Variants in PIK3CB observed in about 807,000 individuals in gnomAD.
PIK3CB encodes phosphatidylinositol-4,5-bisphosphate 3-kinase catalytic subunit beta, also known as phosphatidylinositol 4,5-bisphosphate 3-kinase catalytic subunit beta isoform.
Under a neutral mutation model 136.8 loss-of-function variants are expected in PIK3CB, and 39 were observed. The observed-to-expected ratio is 0.29, with a 90% CI of 0.22 to 0.37. The LOEUF is 0.37. Ranked by LOEUF, PIK3CB falls within the 10% of genes least tolerant of loss-of-function variation. The pLI is 1.00. For synonymous variants in PIK3CB, 428 were observed against 436.6 expected (o/e 0.98, Z 0.25); for missense variants, 868 against 1,275.4 (o/e 0.68, Z 4.87).
chr3:138,685,027 C>A lies in PIK3CB; in HGVS notation c.2137-224G>T, dbSNP rs1268763074. The A allele has an allele frequency of 9.3e-6, 4 of 427,928 alleles. No homozygotes were observed. In the East Asian group the frequency reaches 1.6e-4, roughly 17 times the overall value. The allele number at this position is 427,928 out of a possible 1,614,324, so 26.5% of individuals were successfully genotyped here. ...CATCATTTTCAAACTTTCTTTAAAC[C>A]TTTTCTTAAACAAAATCTTACAAAT... On this transcript the variant is annotated intron_variant, in intron 16 of 23. Transcript: ENST00000674063.
intron 3 of PIK3CB, among the ~76,000 whole-genome samples, chr3:138,756,841 CCAAAA>C (rs2045577331): frequency 6.6e-6 from 1 of 152,132 alleles, no homozygotes; most frequent in African/African-American, 2.4e-5. Flanking sequence ...CTGAACTTCA[CCAAAA>C]CTTAAAACTT....
intron 2 of PIK3CB, among the ~76,000 whole-genome samples, chr3:138,770,867 A>C (rs1184810231): frequency 6.6e-6 from 1 of 151,074 alleles, no homozygotes; most frequent in Non-Finnish European, 1.5e-5. Context: ...ACCTGCCATC[A>C]CGCCCGGCTA....
intron 8 of PIK3CB, among the ~76,000 whole-genome samples, chr3:138,717,662 T>C (rs1181511531): frequency 6.6e-6 from 1 of 152,182 alleles, no homozygotes; most frequent in East Asian, 1.9e-4. Flanking sequence ...TACCCAACAG[T>C]TACCTTTTCT....
At chr3:138,789,699 CT>C (rs71626079) in intron 2 of PIK3CB, among the ~76,000 whole-genome samples, 81 of 145,300 alleles carry the variant, frequency 5.6e-4, no homozygotes, top group Non-Finnish European at 5.0e-4. Flanking sequence ...ATTATTCAGC[CT>C]TTTTTTTTTT....
intron 2 of PIK3CB, among the ~76,000 whole-genome samples, chr3:138,775,148 C>T (rs749848954): frequency 1.3e-5 from 2 of 152,148 alleles, no homozygotes; most frequent in African/African-American, 2.4e-5. Context: ...TCCTTGATGC[C>T]AAGTCTTCTT....
At chr3:138,722,136 T>G (rs2044739226) in intron 8 of PIK3CB, among the ~76,000 whole-genome samples, 1 of 151,606 alleles carries the variant, frequency 6.6e-6, no homozygotes, top group Admixed American at 6.6e-5. Flanking sequence ...GGTGTTTTTT[T>G]TTTTTTTTTC....
intron 4 of PIK3CB, among the ~76,000 whole-genome samples, chr3:138,754,848 T>C (rs1225007962): frequency 6.6e-6 from 1 of 152,210 alleles, no homozygotes; most frequent in Non-Finnish European, 1.5e-5. Context: ...TCTAGATACA[T>C]AAATCTCCAG....
chr3:138,810,802 C>T (rs572653782), intron 1 of PIK3CB, among the ~76,000 whole-genome samples: 4 of 152,108 alleles, frequency 2.6e-5, no homozygotes, highest in Non-Finnish European at 5.9e-5. Flanking sequence ...CGCCTGTAGT[C>T]CCAGCTACTC....
chr3:138,826,466 G>T, intron 1 of PIK3CB: 1 of 397,904 alleles, frequency 2.5e-6, no homozygotes, highest in Non-Finnish European at 4.4e-6. Flanking sequence ...AAACCCCTCA[G>T]AAGAAAAGGA....
chr3:138,747,105 T>TAC (rs2045376709), intron 4 of PIK3CB, among the ~76,000 whole-genome samples: 1 of 93,778 alleles, frequency 1.1e-5, no homozygotes, highest in African/African-American at 4.5e-5. Flanking sequence ...TATATATATA[T>TAC]ATATATATGG....
chr3:138,737,641 T>TAA (rs1273923486), intron 6 of PIK3CB, 66 bp downstream of exon 6: 2 of 505,524 alleles, frequency 4.0e-6, no homozygotes, highest in African/African-American at 2.2e-5. Flanking sequence ...AAGTCAGAAA[T>TAA]AAAATATATA....
intron 21 of PIK3CB, among the ~76,000 whole-genome samples, chr3:138,659,870 T>C (rs1464597596): frequency 3.4e-5 from 4 of 116,780 alleles, no homozygotes; most frequent in Non-Finnish European, 5.1e-5. Context: ...CCTCTTCTTT[T>C]TTTTTTTTTT....
chr3:138,821,497 T>G lies in PIK3CB; in HGVS notation c.-122+13198A>C, dbSNP rs146313690. Among the ~76,000 whole-genome samples, 1,244 of 151,226 alleles carry G rather than the reference T, an allele frequency of 8.2e-3. 18 individuals are homozygous for G. The highest frequency in any genetic ancestry group is 0.029 in the African/African-American group (1,204 of 41,212). ...AGAAGCTCCTCAGTTAGAAAAAATA[T>G]TAATAGCCTGGGCATGGCGGCTCAC... On this transcript the variant is annotated intron_variant, in intron 1 of 23. Transcript: ENST00000674063.
At chr3:138,712,784 C>A (rs938262412) in intron 9 of PIK3CB, among the ~76,000 whole-genome samples, 3 of 152,168 alleles carry the variant, frequency 2.0e-5, no homozygotes, top group African/African-American at 7.2e-5. Flanking sequence ...ACAGGCTGGT[C>A]TCAAACTCCT....
chr3:138,816,753 G>A (rs1284351890), intron 1 of PIK3CB, among the ~76,000 whole-genome samples: 2 of 152,056 alleles, frequency 1.3e-5, no homozygotes, highest in Non-Finnish European at 2.9e-5. Flanking sequence ...AATTCTGAGG[G>A]TTTATTCACC....
chr3:138,722,986 T>C (rs1161866633), intron 8 of PIK3CB, among the ~76,000 whole-genome samples: 1 of 151,966 alleles, frequency 6.6e-6, no homozygotes, highest in Non-Finnish European at 1.5e-5. Flanking sequence ...ATTATTAAAG[T>C]TGACAAATCG....
chr3:138,668,083 A>G (rs760696957), intron 19 of PIK3CB, among the ~76,000 whole-genome samples: 1 of 151,956 alleles, frequency 6.6e-6, no homozygotes, highest in Non-Finnish European at 1.5e-5. Flanking sequence ...AAAAATAATA[A>G]TAAAAGCACT....
intron 8 of PIK3CB, among the ~76,000 whole-genome samples, chr3:138,729,533 C>T (rs2108628834): frequency 6.6e-6 from 1 of 152,228 alleles, no homozygotes; most frequent in South Asian, 2.1e-4. Context: ...AAAGACTGAC[C>T]CTCCCCAAGT....
At chr3:138,799,115 G>C (rs564979203) in intron 1 of PIK3CB, among the ~76,000 whole-genome samples, 16 of 151,786 alleles carry the variant, frequency 1.1e-4, no homozygotes, top group Middle Eastern at 3.4e-3. Context: ...CCAGCTACTC[G>C]GGAGGCTGAG....
Sources: gnomAD v4.1 joint callset for allele counts (sites outside exome capture counted in the v4.1 genomes callset) on GRCh38, gnomAD v4.1.1 for gene constraint, MANE v1.5 for transcripts, NCBI Gene and HGNC (gene_info 2026-07-23, HGNC 2026-07-21) for gene names.